Variants in SDK2 observed in about 807,000 individuals in gnomAD.
SDK2 encodes the protein sidekick cell adhesion molecule 2.
SDK2 carries 105 observed loss-of-function variants against 253.9 expected under a neutral mutation model. The observed-to-expected ratio is 0.41, with a 90% CI of 0.35 to 0.49. SDK2 has a LOEUF of 0.49. Ranked by LOEUF, SDK2 falls within the 20% of genes least tolerant of loss-of-function variation. The pLI is 0.06. For synonymous variants in SDK2, 1,249 were observed against 1,234.9 expected, an observed-to-expected ratio of 1.01 and a Z score of -0.24; for missense variants, 2,608 against 3,003.0, an observed-to-expected ratio of 0.87 and a Z score of 3.07.
rs36068491 is a variant in SDK2 at position 73,421,573 on chromosome 17, CTTTTTTTTTTT to C, written c.2045+703_2045+713del. On this transcript the variant is annotated intron_variant, in intron 15 of 44. Transcript: ENST00000392650. ...TCTGCAGCTTTTATTCAATTTCCAT[CTTTTTTTTTTT>C]TTTTTTTTTTTGAGACAGTCTTGCT... Among the ~76,000 whole-genome samples the C allele has an allele frequency of 1.7e-3, 152 of 90,790 alleles. 1 individual carries two copies. The East Asian group carries it at 0.021, about 13-fold the overall frequency. 59.6% of individuals were successfully genotyped at this position (90,790 alleles called of 152,430 possible). A position where few individuals can be genotyped will look rare whatever the true frequency, so the allele number is the denominator to read the frequency against.
chr17:73,380,332 C>T (rs187142363), intron 34 of SDK2, among the ~76,000 whole-genome samples: 276 of 152,266 alleles, frequency 1.8e-3, no homozygotes, highest in African/African-American at 6.3e-3. Flanking sequence ...CTCCTGAGCA[C>T]GAAACCCTCT....
At chr17:73,623,986 G>T (rs985213565) in intron 1 of SDK2, among the ~76,000 whole-genome samples, 2 of 152,348 alleles carry the variant, frequency 1.3e-5, no homozygotes, top group South Asian at 2.1e-4. Context: ...CCTCCGGGTT[G>T]TTTTTCCAGG....
chr17:73,514,916 G>T (rs1301465012), intron 1 of SDK2, among the ~76,000 whole-genome samples: 1 of 152,148 alleles, frequency 6.6e-6, no homozygotes, highest in East Asian at 1.9e-4. Flanking sequence ...ACCCCTGGTG[G>T]ACCACACACC....
At chr17:73,497,272 C>T (rs1187320887) in intron 2 of SDK2, among the ~76,000 whole-genome samples, 1 of 152,156 alleles carries the variant, frequency 6.6e-6, no homozygotes, top group Non-Finnish European at 1.5e-5. Flanking sequence ...ACCCTCTTTC[C>T]TCCCAAGACA....
rs1695992275 is a variant in SDK2 at position 73,612,638 on chromosome 17, G to A, written c.64+31387C>T. 6.6e-6 allele frequency among the ~76,000 whole-genome samples: 1 copy of A among 152,108 alleles called. No individual in the cohort carries two copies. Among genetic ancestry groups the A allele is most frequent in the African/African-American group, 2.4e-5 (1 of 41,426 alleles). On this transcript the variant is annotated intron_variant, in intron 1 of 44. Transcript: ENST00000392650. This position sits in a 1 kb window ranked among gnomAD's most constrained non-coding sequence, Gnocchi z 4.4. ...ATAATAATAATAATAGTAACAGTAG[G>A]CCAGGCGAGGTGGCTCACACCTGTA...
Position 73,380,941 on chromosome 17 carries a change from G to C in SDK2, c.4715C>G (p.Ser1572Cys). The C allele has an allele frequency of 8.6e-7, 1 of 1,166,170 alleles. No individual in the cohort carries two copies. The highest frequency in any genetic ancestry group is 1.3e-5 in the South Asian group (1 of 78,182). The allele number at this position is 1,166,170 out of a possible 1,614,324, so 72.2% of individuals were successfully genotyped here. ...GCTGGGCCGGCTCAGGTTCCGCATG[G>C]AGTACATGGCTATGGGGTGGGGGTG... ...ATWAELTSMY[S>C]MRNLSRPSLT... The change falls in exon 34 of 45, where the codon TCC becomes TGC. Residue 1572 changes from serine to cysteine, a missense_variant. Ser to Cys is a moderately radical substitution (Grantham distance 112). Around this residue, in one of 2 missense-constraint regions of SDK2, gnomAD observed 1,103 missense variants for 1,143.9 expected, o/e 0.96. Coordinates refer to ENST00000392650, the MANE Select transcript of SDK2 (RefSeq NM_001144952.2).
At chr17:73,419,026 G>C (rs2063205702) in intron 16 of SDK2, 140 bp downstream of exon 16, 1 of 901,482 alleles carries the variant, frequency 1.1e-6, no homozygotes. Context: ...CTACCACTGA[G>C]TAGGCATTTC....
rs1345102610 is a variant in SDK2, at chr17:73,358,089, G to C, written c.5583C>G (p.Ala1861=). The change falls in exon 40 of 45, where the codon GCC becomes GCG. Residue 1861 remains alanine, a synonymous_variant. Coordinates refer to ENST00000392650, the MANE Select transcript of SDK2 (RefSeq NM_001144952.2). ...KGPITRYVIE[A]RPSDEGLWDI... is the part of the protein sequence containing the mutation. The stretch of plus-strand genomic sequence containing the variant: ...CAGGGCGGGGCGCACCTGAAGGTCT[G>C]GCCTCGATGACGTAGCGGGTGATGG... 2.2e-5 allele frequency: 36 copies of C among 1,613,008 alleles called. No homozygotes were observed. In the Middle Eastern group the frequency reaches 4.9e-4, roughly 22 times the overall value.
intron 2 of SDK2, among the ~76,000 whole-genome samples, chr17:73,491,560 A>T (rs1173542160): frequency 6.6e-6 from 1 of 152,040 alleles, no homozygotes; most frequent in African/African-American, 2.4e-5. Context: ...TTTAGTAGAG[A>T]CGAGGTCTCG....
At chr17:73,498,918 C>T (rs943716363) in intron 2 of SDK2, among the ~76,000 whole-genome samples, 1 of 152,330 alleles carries the variant, frequency 6.6e-6, no homozygotes, top group Admixed American at 6.5e-5. Context: ...AACCTGACTC[C>T]GTGTACTGGC....
intron 1 of SDK2, among the ~76,000 whole-genome samples, chr17:73,593,066 G>T (rs1157044882): frequency 1.3e-5 from 2 of 151,946 alleles, no homozygotes; most frequent in African/African-American, 4.8e-5. Context: ...TTGGGTGGGG[G>T]GGATTGTTTC....
At chr17:73,528,232 G>A (rs539755831) in intron 1 of SDK2, among the ~76,000 whole-genome samples, 12 of 152,294 alleles carry the variant, frequency 7.9e-5, no homozygotes, top group Non-Finnish European at 1.3e-4. Context: ...GAGAGACAGG[G>A]GAGAGTGAAG....
intron 27 of SDK2, 135 bp from the exon 28 acceptor site, chr17:73,391,673 T>C (rs991891803): frequency 4.8e-6 from 2 of 417,372 alleles, no homozygotes; most frequent in Non-Finnish European, 8.6e-6. Flanking sequence ...TGTGGAGTAC[T>C]GCCCTGTGCC....
At chr17:73,397,922 G>A (rs772044784) in intron 24 of SDK2, 113 bp downstream of exon 24, 31 of 1,227,358 alleles carry the variant, frequency 2.5e-5, no homozygotes, top group Non-Finnish European at 3.3e-5. Context: ...CATCTCATCA[G>A]AAAACAGAAA....
At chr17:73,528,652 G>A (rs2064145249) in intron 1 of SDK2, among the ~76,000 whole-genome samples, 1 of 152,132 alleles carries the variant, frequency 6.6e-6, no homozygotes. Context: ...CCTAAGCCAG[G>A]GGCTGAGGCC....
intron 21 of SDK2, among the ~76,000 whole-genome samples, chr17:73,400,283 G>C (rs1044107836): frequency 1.3e-5 from 2 of 152,196 alleles, no homozygotes; most frequent in African/African-American, 4.8e-5. Flanking sequence ...CTTGCTCTCT[G>C]TGCCAGGCCT....
At chr17:73,524,920 G>A (rs528373808) in intron 1 of SDK2, among the ~76,000 whole-genome samples, 21 of 152,326 alleles carry the variant, frequency 1.4e-4, no homozygotes, top group African/African-American at 4.8e-4. Context: ...GTTCCATCTC[G>A]CCTCTGCGCA....
At chr17:73,343,513 G>A (rs2062457329) in intron 44 of SDK2, among the ~76,000 whole-genome samples, 1 of 152,236 alleles carries the variant, frequency 6.6e-6, no homozygotes, top group Admixed American at 6.5e-5. Context: ...GCTTCCCAGG[G>A]ACCGGCCCAG....
intron 44 of SDK2, among the ~76,000 whole-genome samples, chr17:73,346,641 A>G (rs1401088106): frequency 1.3e-5 from 2 of 152,120 alleles, no homozygotes; most frequent in Admixed American, 6.6e-5. Context: ...CTCACATCAC[A>G]TCATATGTGT....
Sources: allele counts gnomAD v4.1 joint callset (sites outside exome capture counted in the v4.1 genomes callset), GRCh38; gene constraint gnomAD v4.1.1; regional missense constraint gnomAD v4.1.1; non-coding constraint Gnocchi (gnomAD v3.1); transcripts MANE v1.5; gene names NCBI Gene and HGNC (gene_info 2026-07-23, HGNC 2026-07-21).